KCNIP4: variants seen among roughly 807,000 people sequenced by gnomAD.
KCNIP4 encodes Kv channel-interacting protein 4.
A neutral mutation model predicts 34.0 loss-of-function variants in KCNIP4; 12 were observed. That is an observed-to-expected ratio of 0.35 (90% CI 0.23 to 0.57). The LOEUF (loss-of-function observed/expected upper bound fraction) is 0.57. KCNIP4 is among the 20% of genes least tolerant of loss of function. The pLI is 0.83. For missense variants in KCNIP4, 238 were observed against 311.7 expected, an observed-to-expected ratio of 0.76 and a Z score of 1.78; for synonymous variants, 124 against 102.2, an observed-to-expected ratio of 1.21 and a Z score of -1.29.
intron 1 of KCNIP4, among the ~76,000 whole-genome samples, chr4:21,200,805 A>T (rs996031): frequency 0.51 from 77,628 of 151,000 alleles, 21,951 homozygotes; most frequent in African/African-American, 0.77. Flanking sequence ...AAAAATAAAA[A>T]TTTTTTTTTT....
chr4:21,595,750 ATCACTGG>A (rs1742597221), intron 1 of KCNIP4, among the ~76,000 whole-genome samples: 1 of 152,120 alleles, frequency 6.6e-6, no homozygotes, highest in Non-Finnish European at 1.5e-5. Flanking sequence ...AAAGCTCATC[ATCACTGG>A]TCATTAGAGA....
chr4:21,262,438 G>A lies in KCNIP4; in HGVS notation c.62-379729C>T, dbSNP rs1178591890. ...TGAAGTGGCTGTGGATTTGTATCCC[G>A]CTTCACCCCAGAGTGCAGCCTTAGC... is the stretch of plus-strand genomic sequence containing the variant. On this transcript the variant is annotated intron_variant, in intron 1 of 8. Transcript: ENST00000382152. Among the ~76,000 whole-genome samples, 4 of 152,248 alleles carry A rather than the reference G, an allele frequency of 2.6e-5. No individual in the cohort carries two copies. The East Asian group carries it at 7.7e-4, about 29-fold the overall frequency.
intron 5 of KCNIP4, among the ~76,000 whole-genome samples, chr4:20,741,607 A>G (rs910429891): frequency 1.1e-4 from 17 of 152,232 alleles, no homozygotes; most frequent in Non-Finnish European, 2.5e-4. Flanking sequence ...AAAGCCCACA[A>G]GAGAAAGCAG....
At chr4:21,274,418 T>C (rs758069843) in intron 1 of KCNIP4, among the ~76,000 whole-genome samples, 1 of 152,200 alleles carries the variant, frequency 6.6e-6, no homozygotes, top group Non-Finnish European at 1.5e-5. Flanking sequence ...CTTTGGGATA[T>C]GACATTTAAC....
intron 1 of KCNIP4, among the ~76,000 whole-genome samples, chr4:21,158,649 T>A (rs748180960): frequency 6.6e-6 from 1 of 152,200 alleles, no homozygotes; most frequent in Non-Finnish European, 1.5e-5. Flanking sequence ...CTCAGTGTGA[T>A]AAAAAGCATC....
rs184571172 is a variant in KCNIP4, at chr4:21,042,882, G to A, written c.62-160173C>T. ...GATAATTTTCTTTGGGGGAAAAAAA[G>A]GATAATAAACATTATGCAACCAGAC... On this transcript the variant is annotated intron_variant, in intron 1 of 8. Transcript: ENST00000382152. 3.7e-3 allele frequency among the ~76,000 whole-genome samples: 561 copies of A among 152,204 alleles called. 2 individuals carry two copies. The highest frequency in any genetic ancestry group is 6.8e-3 in the Middle Eastern group (2 of 294).
chr4:20,753,397 G>T (rs546614503), intron 4 of KCNIP4, among the ~76,000 whole-genome samples: 1 of 152,224 alleles, frequency 6.6e-6, no homozygotes, highest in Admixed American at 6.5e-5. Flanking sequence ...TACATACCTT[G>T]GTGGTGGCAG....
In KCNIP4 at chr4:20,732,675, T is replaced by A. The variant is rs951376556; in HGVS notation, c.642+6A>T. 1.3e-6 allele frequency: 2 copies of A among 1,591,930 alleles called. No homozygotes were observed. Among genetic ancestry groups the A allele is most frequent in the African/African-American group, 1.3e-5 (1 of 74,452 alleles). On this transcript the variant is annotated splice_donor_region_variant and intron_variant, in intron 7 of 8. Coordinates refer to ENST00000382152, the MANE Select transcript of KCNIP4 (RefSeq NM_025221.6). ...ATGCCCTCTTGACTTCTGTTTTAAT[T>A]CCTACCTGAAAAAATGTTTCAACGT...
chr4:21,249,122 G>A (rs1760500661), intron 1 of KCNIP4, among the ~76,000 whole-genome samples: 2 of 152,086 alleles, frequency 1.3e-5, no homozygotes, highest in Admixed American at 6.6e-5. Flanking sequence ...TTGTAAAGGA[G>A]GCAAAATCAA....
chr4:20,775,234 C>T (rs556482798), intron 3 of KCNIP4, among the ~76,000 whole-genome samples: 1 of 152,050 alleles, frequency 6.6e-6, no homozygotes, highest in South Asian at 2.1e-4. Flanking sequence ...ACATATATGG[C>T]GATTAAAATC....
intron 1 of KCNIP4, among the ~76,000 whole-genome samples, chr4:21,823,508 T>TA (rs370952134): frequency 0.026 from 3,184 of 123,290 alleles, 105 homozygotes; most frequent in African/African-American, 0.076. Context: ...TGTTCTGTCT[T>TA]AAAAAAAAAA....
At chr4:21,046,941 C>T (rs1380365749) in intron 1 of KCNIP4, among the ~76,000 whole-genome samples, 5 of 152,138 alleles carry the variant, frequency 3.3e-5, no homozygotes, top group East Asian at 1.9e-4. Flanking sequence ...TGTTTTAAGA[C>T]GAAGTCTTCT....
At chr4:21,754,848 T>C (rs1717396723) in intron 1 of KCNIP4, among the ~76,000 whole-genome samples, 2 of 152,160 alleles carry the variant, frequency 1.3e-5, no homozygotes, top group African/African-American at 4.8e-5. Context: ...AGAGTTAACA[T>C]AAAAATATGT....
chr4:20,986,321 C>T (rs1736574352), intron 1 of KCNIP4, among the ~76,000 whole-genome samples: 1 of 152,094 alleles, frequency 6.6e-6, no homozygotes, highest in Non-Finnish European at 1.5e-5. Context: ...AAGAGATATC[C>T]TTGTATCCAC....
At chr4:20,945,923 A>G (rs1330784243) in intron 1 of KCNIP4, among the ~76,000 whole-genome samples, 1 of 152,182 alleles carries the variant, frequency 6.6e-6, no homozygotes, top group Non-Finnish European at 1.5e-5. Context: ...GCTCAAATCA[A>G]CTATAGTTTA....
chr4:21,062,949 C>T (rs115454597), intron 1 of KCNIP4, among the ~76,000 whole-genome samples: 7 of 152,266 alleles, frequency 4.6e-5, no homozygotes, highest in African/African-American at 1.7e-4. Context: ...TACAGACACA[C>T]TCAGAATAAT....
chr4:20,762,555 C>G (rs1030482535), intron 3 of KCNIP4, among the ~76,000 whole-genome samples: 1 of 152,192 alleles, frequency 6.6e-6, no homozygotes, highest in Admixed American at 6.5e-5. Flanking sequence ...TTCACCTCTT[C>G]TGTGCAGTGA....
chr4:21,628,593 G>A lies in KCNIP4; in HGVS notation c.61+319978C>T, dbSNP rs368979886. Reference sequence around the variant, plus strand: ...TTGAAAACATTTCATTTCATTTAGAGAAATGTCACTTTGAAAAGTTCTGGC... The same window carrying A: ...TTGAAAACATTTCATTTCATTTAGAAAAATGTCACTTTGAAAAGTTCTGGC... On this transcript the variant is annotated intron_variant, in intron 1 of 8. Transcript: ENST00000382152. Among the ~76,000 whole-genome samples the A allele has an allele frequency of 1.3e-3, 199 of 152,278 alleles. 7 individuals are homozygous for A. The South Asian group carries it at 0.036, about 27-fold the overall frequency.
rs188824948 is a variant in KCNIP4, at chr4:21,685,092, T to A, written c.61+263479A>T. On this transcript the variant is annotated intron_variant, in intron 1 of 8. Coordinates refer to ENST00000382152, the MANE Select transcript of KCNIP4 (RefSeq NM_025221.6). ...AAAACCCTTTAAGTATATTAATGTA[T>A]AATTTTATCATTTATGAAGGAAGTC... Among the ~76,000 whole-genome samples the A allele has an allele frequency of 2.6e-5, 4 of 152,324 alleles. No individual in the cohort carries two copies. The East Asian group carries it at 7.7e-4, about 29-fold the overall frequency.
Sources: allele counts gnomAD v4.1 joint callset (sites outside exome capture counted in the v4.1 genomes callset), GRCh38; gene constraint gnomAD v4.1.1; transcripts MANE v1.5; gene names NCBI Gene and HGNC (gene_info 2026-07-23, HGNC 2026-07-21).